The following CLASP1 variants were observed in gnomAD, a reference collection of about 807,000 sequenced individuals.
The protein encoded by CLASP1 is CLIP-associating protein 1.
A neutral mutation model predicts 192.3 loss-of-function variants in CLASP1; 38 were observed. The ratio of observed to expected loss-of-function variants is 0.20; its 90% CI spans 0.15 to 0.26. The LOEUF is 0.26. Among genes scored for constraint, CLASP1 ranks in the 10% least tolerant of loss-of-function variants. CLASP1 has a pLI of 1.00. For synonymous variants in CLASP1, 691 were observed against 712.8 expected (o/e 0.97, Z 0.49); for missense variants, 1,433 against 1,932.5 (o/e 0.74, Z 4.85).
At chr2:121,349,094 G>C (rs969306525) in intron 37 of CLASP1, among the ~76,000 whole-genome samples, 1 of 152,084 alleles carries the variant, frequency 6.6e-6, no homozygotes, top group Non-Finnish European at 1.5e-5. Context: ...CAAAAAATTA[G>C]CCGGACGTGT....
chr2:121,479,031 C>G (rs2092343213), intron 8 of CLASP1, among the ~76,000 whole-genome samples: 1 of 65,502 alleles, frequency 1.5e-5, no homozygotes, highest in African/African-American at 8.2e-5. Flanking sequence ...CACACACACA[C>G]CCCACACACA....
intron 37 of CLASP1, among the ~76,000 whole-genome samples, chr2:121,356,816 T>C (rs1336238380): frequency 6.6e-6 from 1 of 152,140 alleles, no homozygotes; most frequent in Non-Finnish European, 1.5e-5. Context: ...TCTTCAAATG[T>C]GGTCAGGTTC....
At chr2:121,384,755 C>T (rs2072801432) in intron 32 of CLASP1, among the ~76,000 whole-genome samples, 1 of 152,080 alleles carries the variant, frequency 6.6e-6, no homozygotes, top group Admixed American at 6.5e-5. Flanking sequence ...GTGGTGTACA[C>T]CTGTAGTCCC....
chr2:121,470,084 G>C, intron 8 of CLASP1, 124 bp from the exon 9 acceptor site: 1 of 806,000 alleles, frequency 1.2e-6, no homozygotes, highest in Non-Finnish European at 1.9e-6. Context: ...TACTCTTTTG[G>C]AATCTGAGGT....
At chr2:121,641,413 A>G (rs1293898463) in intron 1 of CLASP1, among the ~76,000 whole-genome samples, 1 of 152,178 alleles carries the variant, frequency 6.6e-6, no homozygotes, top group Non-Finnish European at 1.5e-5. Context: ...CCTAGCACAC[A>G]ACTGTTTAAA....
intron 19 of CLASP1, among the ~76,000 whole-genome samples, chr2:121,432,678 TACTC>T (rs1479832551): frequency 2.0e-5 from 3 of 152,212 alleles, no homozygotes; most frequent in African/African-American, 4.8e-5. Context: ...TCAAAGTTCT[TACTC>T]AATTTTTATA....
At chr2:121,420,135 A>AG (rs971266407) in intron 22 of CLASP1, among the ~76,000 whole-genome samples, 3 of 151,710 alleles carry the variant, frequency 2.0e-5, no homozygotes, top group African/African-American at 7.3e-5. Flanking sequence ...GCTCAGGGAA[A>AG]AAAAAAAAAG....
At chr2:121,397,533 C>T (rs971860054) in intron 29 of CLASP1, among the ~76,000 whole-genome samples, 4 of 152,212 alleles carry the variant, frequency 2.6e-5, no homozygotes, top group Non-Finnish European at 5.9e-5. Flanking sequence ...GAGAAGCTTG[C>T]TCTGCTCCTC....
Position 121,364,076 on chromosome 2 carries a change from A to T in CLASP1, c.4078-776T>A, listed in dbSNP as rs147970845. On this transcript the variant is annotated intron_variant, in intron 36 of 39. Coordinates refer to ENST00000263710, the Ensembl canonical transcript of CLASP1. ...CTTTGTTTTTTTTAAAAGTATTTTT[A>T]AAAAGTTTTTTTTAAAAAAGTAAAA... The T allele has an allele frequency of 2.4e-3, 362 of 152,346 alleles. 3 individuals carry two copies. Among genetic ancestry groups the T allele is most frequent in the African/African-American group, 8.3e-3 (347 of 41,574 alleles). The allele number at this position is 152,346 out of a possible 1,614,324, so 9.4% of individuals were successfully genotyped here.
intron 23 of CLASP1, among the ~76,000 whole-genome samples, chr2:121,412,767 T>G (rs2077931973): frequency 6.6e-6 from 1 of 152,156 alleles, no homozygotes; most frequent in African/African-American, 2.4e-5. Flanking sequence ...TCACAGACAA[T>G]TTGAATTTCA....
chr2:121,633,007 CATA>C (rs1364932916), intron 1 of CLASP1, among the ~76,000 whole-genome samples: 8 of 115,580 alleles, frequency 6.9e-5, no homozygotes, highest in African/African-American at 3.0e-4. Flanking sequence ...TATGTGTGTG[CATA>C]TATATATATA....
At chr2:121,610,055 G>C (rs975539202) in intron 1 of CLASP1, among the ~76,000 whole-genome samples, 24 of 152,142 alleles carry the variant, frequency 1.6e-4, no homozygotes, top group Non-Finnish European at 1.5e-5. Flanking sequence ...GAATCTTCTA[G>C]GAAGGTTTTT....
chr2:121,632,991 T>C (rs1181899560), intron 1 of CLASP1, among the ~76,000 whole-genome samples: 1 of 147,682 alleles, frequency 6.8e-6, no homozygotes, highest in Non-Finnish European at 1.5e-5. Context: ...TGTGTGTATA[T>C]ATATGTATGT....
intron 19 of CLASP1, among the ~76,000 whole-genome samples, chr2:121,443,382 T>C (rs1055755558): frequency 9.9e-5 from 15 of 152,156 alleles, no homozygotes; most frequent in African/African-American, 2.9e-4. Flanking sequence ...TGGAAAAACA[T>C]ATAATTTCCC....
chr2:121,357,982 G>A (rs899136447), intron 37 of CLASP1, among the ~76,000 whole-genome samples: 1 of 151,796 alleles, frequency 6.6e-6, no homozygotes, highest in Admixed American at 6.6e-5. Flanking sequence ...AACTCCTGGT[G>A]TATTTCACTT....
At chr2:121,390,465 G>T (rs180915472) in intron 30 of CLASP1, among the ~76,000 whole-genome samples, 18 of 152,326 alleles carry the variant, frequency 1.2e-4, no homozygotes, top group Middle Eastern at 6.8e-3. Flanking sequence ...AAAATGAAAT[G>T]ATTCTCACAC....
At chr2:121,490,382 C>A (rs902493493) in intron 8 of CLASP1, 8 of 424,952 alleles carry the variant, frequency 1.9e-5, no homozygotes, top group African/African-American at 1.6e-4. Flanking sequence ...TCCACCCACA[C>A]TTGTTCAGTG....
chr2:121,339,811 T>C (rs2062628270), exon 40 of CLASP1: 1 of 152,224 alleles, frequency 6.6e-6, no homozygotes, highest in African/African-American at 2.4e-5. Flanking sequence ...CTCTCTAGGC[T>C]TTTCTTGGCT....
chr2:121,436,840 C>A (rs1163305829), intron 19 of CLASP1, among the ~76,000 whole-genome samples: 1 of 152,236 alleles, frequency 6.6e-6, no homozygotes, highest in Non-Finnish European at 1.5e-5. Flanking sequence ...TTGCATGTAA[C>A]TTAACAACTC....
Sources: allele counts gnomAD v4.1 joint callset (sites outside exome capture counted in the v4.1 genomes callset), GRCh38; gene constraint gnomAD v4.1.1; transcripts MANE v1.5; gene names NCBI Gene and HGNC (gene_info 2026-07-23, HGNC 2026-07-21).